GARNL3: variants seen among roughly 807,000 people sequenced by gnomAD.
GARNL3 encodes the protein GTPase-activating Rap/Ran-GAP domain-like protein 3.
A neutral mutation model predicts 125.0 loss-of-function variants in GARNL3; 63 were observed. The observed-to-expected ratio is 0.50, with a 90% CI of 0.41 to 0.62. The LOEUF (loss-of-function observed/expected upper bound fraction) is 0.62, where lower values mean the gene tolerates loss of function less well. GARNL3 is among the 20% of genes least tolerant of loss of function. GARNL3 has a pLI of 0.00. For missense variants in GARNL3, 994 were observed against 1,244.0 expected, an observed-to-expected ratio of 0.80 and a Z score of 3.02; for synonymous variants, 439 against 457.5, an observed-to-expected ratio of 0.96 and a Z score of 0.52.
intron 2 of GARNL3, among the ~76,000 whole-genome samples, chr9:127,304,199 T>G (rs2064881384): frequency 6.6e-6 from 1 of 152,230 alleles, no homozygotes; most frequent in Non-Finnish European, 1.5e-5. Flanking sequence ...AGAGTTTCTA[T>G]ATCTCCAAGA....
chr9:127,380,786 G>T (rs1214160203), intron 22 of GARNL3, among the ~76,000 whole-genome samples: 3 of 152,248 alleles, frequency 2.0e-5, no homozygotes, highest in Non-Finnish European at 4.4e-5. Flanking sequence ...AAGAAATGGG[G>T]AGTGAGGTTT....
intron 1 of GARNL3, among the ~76,000 whole-genome samples, chr9:127,282,545 G>A (rs1775921151): frequency 2.0e-5 from 3 of 152,186 alleles, no homozygotes; most frequent in South Asian, 2.1e-4. Flanking sequence ...AAGTATGGAA[G>A]TGAGATTTGA....
At chr9:127,263,698 A>G (rs1564859105), upstream of GARNL3, 2 of 1,141,520 alleles carry the variant, frequency 1.8e-6, no homozygotes, top group Non-Finnish European at 2.1e-6. Context: ...AATATCTGGA[A>G]CACTTTCAAA....
chr9:127,325,173 C>T (rs890789743), intron 7 of GARNL3, 78 bp downstream of exon 7: 2 of 1,425,168 alleles, frequency 1.4e-6, no homozygotes, highest in African/African-American at 1.4e-5. Context: ...ACTGTGAACC[C>T]AGCCTTTGCT....
At chr9:127,333,404 G>C (rs1275542916) in intron 9 of GARNL3, among the ~76,000 whole-genome samples, 1 of 152,154 alleles carries the variant, frequency 6.6e-6, no homozygotes, top group Non-Finnish European at 1.5e-5. Flanking sequence ...AGGACTCTGG[G>C]GATATAGAAG....
At chr9:127,372,057 C>T (rs1186002994) in intron 22 of GARNL3, among the ~76,000 whole-genome samples, 9 of 152,160 alleles carry the variant, frequency 5.9e-5, no homozygotes, top group Non-Finnish European at 7.4e-5. Flanking sequence ...GTCAGCCTCC[C>T]GAGTAGCTGG....
intron 22 of GARNL3, among the ~76,000 whole-genome samples, chr9:127,366,341 C>T (rs1489886688): frequency 6.6e-6 from 1 of 152,128 alleles, no homozygotes; most frequent in East Asian, 1.9e-4. Context: ...ACATTTTATG[C>T]ACAGAACTGT....
intron 1 of GARNL3, among the ~76,000 whole-genome samples, chr9:127,239,128 C>G (rs1376720356): frequency 6.6e-6 from 1 of 152,256 alleles, no homozygotes; most frequent in Non-Finnish European, 1.5e-5. Flanking sequence ...CCTTCACCCC[C>G]ACTTCAAGGC....
At chr9:127,269,786 G>GTTTTTTTTTT (rs57287183) in intron 1 of GARNL3, among the ~76,000 whole-genome samples, 1 of 129,826 alleles carries the variant, frequency 7.7e-6, no homozygotes, top group African/African-American at 3.0e-5. Flanking sequence ...TGTTTTTTGT[G>GTTTTTTTTTT]TTTTTTTTTT....
intron 1 of GARNL3, among the ~76,000 whole-genome samples, chr9:127,273,842 T>C (rs540699138): frequency 6.6e-6 from 1 of 152,330 alleles, no homozygotes; most frequent in East Asian, 1.9e-4. Flanking sequence ...ATCCTGTAAA[T>C]GAAAGGGCTT....
chr9:127,376,267 A>AT (rs537824459), intron 22 of GARNL3, among the ~76,000 whole-genome samples: 55 of 146,724 alleles, frequency 3.7e-4, no homozygotes, highest in African/African-American at 4.8e-4. Flanking sequence ...GCCTCTTAAC[A>AT]TTTTTTTTTT....
At chr9:127,348,474 A>T (rs1326441007) in intron 16 of GARNL3, among the ~76,000 whole-genome samples, 2 of 152,226 alleles carry the variant, frequency 1.3e-5, no homozygotes, top group African/African-American at 4.8e-5. Context: ...CTTTTAGTGC[A>T]TCATGTATGT....
At chr9:127,245,178 G>A (rs1269914039) in intron 2 of GARNL3, among the ~76,000 whole-genome samples, 1 of 152,242 alleles carries the variant, frequency 6.6e-6, no homozygotes, top group East Asian at 1.9e-4. Context: ...CTGGCCCGCT[G>A]CCTTTCCAGA....
rs573646610 is a variant in GARNL3 at position 127,283,468 on chromosome 9, C to T, written c.145-7700C>T. 5.9e-5 allele frequency among the ~76,000 whole-genome samples: 9 copies of T among 152,178 alleles called. No individual in the cohort carries two copies. In the East Asian group the frequency reaches 1.7e-3, roughly 29 times the overall value. ...GGAGGATCACTTGAGACTAAGAGTT[C>T]GAGACCAGTCTGGGCAACATAGTGA... On this transcript the variant is annotated intron_variant, in intron 1 of 27. Coordinates refer to ENST00000373387, the MANE Select transcript of GARNL3 (RefSeq NM_032293.5).
Position 127,383,659 on chromosome 9 carries a change from A to G in GARNL3, c.2269+114A>G. The G allele has an allele frequency of 4.7e-6, 3 of 631,890 alleles. No homozygotes were observed. In the South Asian group the frequency reaches 6.3e-5, roughly 13 times the overall value. The allele number at this position is 631,890 out of a possible 1,614,324, so 39.1% of individuals were successfully genotyped here. A position where few individuals can be genotyped will look rare whatever the true frequency, so the allele number is the denominator to read the frequency against. On this transcript the variant is annotated intron_variant, in intron 23 of 27. Coordinates refer to ENST00000373387, the MANE Select transcript of GARNL3 (RefSeq NM_032293.5). ...TTACTGCGAAATTGCTATAAATTAT[A>G]CGCGTATGATGAATATTCACAGCGT...
chr9:127,262,600 A>G (rs1537359), upstream of GARNL3, among the ~76,000 whole-genome samples: 4,424 of 152,340 alleles, frequency 0.029, 101 homozygotes, highest in African/African-American at 0.053. Context: ...TGGCATGCAC[A>G]TAGCAGTGGC....
At chr9:127,234,957 CAGACATT>C (rs1161341433) in intron 1 of GARNL3, among the ~76,000 whole-genome samples, 1 of 152,086 alleles carries the variant, frequency 6.6e-6, no homozygotes, top group Non-Finnish European at 1.5e-5. Flanking sequence ...TGGAGAGACA[CAGACATT>C]AGATCATAGC....
intron 2 of GARNL3, among the ~76,000 whole-genome samples, chr9:127,258,079 C>T (rs1405654727): frequency 1.3e-5 from 2 of 151,322 alleles, no homozygotes; most frequent in Non-Finnish European, 2.9e-5. Flanking sequence ...GTGATGGAGC[C>T]GAAATTCAAA....
chr9:127,247,805 A>T (rs2063329090), intron 2 of GARNL3, among the ~76,000 whole-genome samples: 1 of 152,192 alleles, frequency 6.6e-6, no homozygotes, highest in African/African-American at 2.4e-5. Flanking sequence ...TTAGTTATTT[A>T]AAAATGTACA....
Sources: gnomAD v4.1 joint callset for allele counts (sites outside exome capture counted in the v4.1 genomes callset) on GRCh38, gnomAD v4.1.1 for gene constraint, MANE v1.5 for transcripts, NCBI Gene and HGNC (gene_info 2026-07-23, HGNC 2026-07-21) for gene names.